The following DACH2 variants were observed in gnomAD, a reference collection of about 807,000 sequenced individuals.
The protein encoded by DACH2 is dachshund homolog 2.
Under a neutral mutation model 35.8 loss-of-function variants are expected in DACH2, and 17 were observed. The ratio of observed to expected loss-of-function variants is 0.48; its 90% confidence interval spans 0.33 to 0.71. The LOEUF (loss-of-function observed/expected upper bound fraction) is 0.71. DACH2 is among the 30% of genes least tolerant of loss of function. DACH2 has a pLI of 0.02. For synonymous variants in DACH2, 195 were observed against 177.3 expected, an observed-to-expected ratio of 1.10 and a Z score of -0.79; for missense variants, 469 against 472.7, an observed-to-expected ratio of 0.99 and a Z score of 0.07.
intron 11 of DACH2, among the ~76,000 whole-genome samples, chrX:86,822,664 G>A (rs1221311269): frequency 3.6e-5 from 4 of 111,524 alleles, no homozygotes; most frequent in Non-Finnish European, 5.6e-5. Context: ...GCAAAACAGT[G>A]CATTGGGGTT....
chrX:86,195,344 A>G (rs937885491), intron 1 of DACH2, among the ~76,000 whole-genome samples: 1 of 111,844 alleles, frequency 8.9e-6, no homozygotes, highest in Non-Finnish European at 1.9e-5. Flanking sequence ...AACTAGGCAC[A>G]GAGAACAACA....
chrX:86,243,534 G>A (rs2033214460), intron 1 of DACH2, among the ~76,000 whole-genome samples: 1 of 111,578 alleles, frequency 9.0e-6, no homozygotes, highest in South Asian at 3.7e-4. Flanking sequence ...ACCTGTGTAA[G>A]AGAGATTTTT....
chrX:86,707,878 G>A (rs1284275256), intron 5 of DACH2, among the ~76,000 whole-genome samples: 1 of 74,963 alleles, frequency 1.3e-5, no homozygotes, highest in Non-Finnish European at 2.3e-5. Context: ...TCACACCACT[G>A]TATTCCAGCC....
chrX:86,474,074 A>T (rs1259983409), intron 2 of DACH2, among the ~76,000 whole-genome samples: 2 of 111,710 alleles, frequency 1.8e-5, no homozygotes, highest in African/African-American at 6.5e-5. Flanking sequence ...GGGTGAGATG[A>T]TATCTCATTG....
intron 3 of DACH2, among the ~76,000 whole-genome samples, chrX:86,518,686 G>A (rs2038508800): frequency 9.0e-6 from 1 of 111,528 alleles, no homozygotes; most frequent in African/African-American, 3.3e-5. Context: ...TTCTGATTTG[G>A]CTCTCAGTTT....
At chrX:86,626,164 A>G (rs971545501) in intron 3 of DACH2, among the ~76,000 whole-genome samples, 1 of 112,528 alleles carries the variant, frequency 8.9e-6, no homozygotes, top group Admixed American at 9.4e-5. Context: ...TAAAACACAC[A>G]TTCCAAATGG....
At chrX:86,233,301 C>G (rs943356208) in intron 1 of DACH2, among the ~76,000 whole-genome samples, 1 of 111,333 alleles carries the variant, frequency 9.0e-6, no homozygotes, top group Non-Finnish European at 1.9e-5. Flanking sequence ...ACAAGTTTAC[C>G]TATATAACAA....
At chrX:86,729,687 T>C (rs760972063) in intron 6 of DACH2, among the ~76,000 whole-genome samples, 2 of 111,894 alleles carry the variant, frequency 1.8e-5, no homozygotes, top group East Asian at 5.7e-4. Context: ...CTTGTGAATG[T>C]CTCAGGCCAT....
At chrX:86,432,245 T>G (rs1021914738) in intron 2 of DACH2, among the ~76,000 whole-genome samples, 1 of 112,221 alleles carries the variant, frequency 8.9e-6, no homozygotes, top group Non-Finnish European at 1.9e-5. Flanking sequence ...GATTTTTGTT[T>G]GTTTTCTCTT....
chrX:86,604,821 G>C (rs746281779), intron 3 of DACH2, among the ~76,000 whole-genome samples: 1 of 111,290 alleles, frequency 9.0e-6, no homozygotes, highest in African/African-American at 3.3e-5. Context: ...GACTCAGAAG[G>C]GGAAGTCAGA....
intron 2 of DACH2, among the ~76,000 whole-genome samples, chrX:86,404,069 A>G (rs1364218599): frequency 6.4e-5 from 7 of 110,034 alleles, no homozygotes; most frequent in African/African-American, 2.0e-4. Flanking sequence ...TGATTCAATA[A>G]CCTCCCACTG....
At chrX:86,174,123 T>G (rs1407156074) in intron 1 of DACH2, among the ~76,000 whole-genome samples, 2 of 98,041 alleles carry the variant, frequency 2.0e-5, no homozygotes, top group Admixed American at 2.2e-4. Context: ...ACAGTTGTTT[T>G]TTTTTTTTTT....
chrX:86,434,098 T>C (rs1217426814), intron 2 of DACH2, among the ~76,000 whole-genome samples: 1 of 112,453 alleles, frequency 8.9e-6, no homozygotes, highest in Non-Finnish European at 1.9e-5. Flanking sequence ...GAAAAAAACA[T>C]ACTTTTTAAC....
At chrX:86,780,422 A>G (rs1388585955) in intron 7 of DACH2, among the ~76,000 whole-genome samples, 1 of 112,094 alleles carries the variant, frequency 8.9e-6, no homozygotes, top group Non-Finnish European at 1.9e-5. Context: ...AACCCAATCC[A>G]AAGAATCTAA....
At chrX:86,820,888 A>T (rs2042504998) in intron 11 of DACH2, among the ~76,000 whole-genome samples, 1 of 110,714 alleles carries the variant, frequency 9.0e-6, no homozygotes. Context: ...AGAAGTTAAG[A>T]TGCCATGCCA....
chrX:86,337,036 G>A (rs748708219), intron 1 of DACH2, among the ~76,000 whole-genome samples: 8 of 109,571 alleles, frequency 7.3e-5, no homozygotes, highest in Non-Finnish European at 1.3e-4. Flanking sequence ...AAAAAAGAAT[G>A]AAAAAGAATG....
At chrX:86,306,426 A>T (rs2034689443) in intron 1 of DACH2, among the ~76,000 whole-genome samples, 1 of 111,912 alleles carries the variant, frequency 8.9e-6, no homozygotes, top group Admixed American at 9.5e-5. Context: ...ACTGAGTGTC[A>T]ACTTGATTGG....
chrX:86,674,710 T>C (rs1322441686), intron 4 of DACH2, among the ~76,000 whole-genome samples: 2 of 112,070 alleles, frequency 1.8e-5, no homozygotes, highest in Non-Finnish European at 3.8e-5. Flanking sequence ...ATTTTTTCTT[T>C]GTCATATCCA....
chrX:86,275,903 C>G (rs1301849270), intron 1 of DACH2, among the ~76,000 whole-genome samples: 1 of 112,382 alleles, frequency 8.9e-6, no homozygotes. Context: ...GTTTTTATTG[C>G]TGAATACTAT....
Sources: gnomAD v4.1 joint callset for allele counts (sites outside exome capture counted in the v4.1 genomes callset) on GRCh38, gnomAD v4.1.1 for gene constraint, MANE v1.5 for transcripts, NCBI Gene and HGNC (gene_info 2026-07-23, HGNC 2026-07-21) for gene names.